The following THADA variants were observed in gnomAD, a reference collection of about 807,000 sequenced individuals.
THADA encodes tRNA (32-2'-O)-methyltransferase regulator THADA.
In THADA, 213 loss-of-function variants were observed where a neutral mutation model predicts 219.8. The observed-to-expected ratio is 0.97, with a 90% CI of 0.87 to 1.09. The LOEUF (loss-of-function observed/expected upper bound fraction) is 1.09. Ranked by LOEUF, THADA falls within the 50% of genes least tolerant of loss-of-function variation. The probability of loss-of-function intolerance (pLI) is 0.00; values close to 1 mark genes in which losing one functional copy is unlikely to be tolerated. For missense variants in THADA, 2,956 were observed against 2,311.3 expected (o/e 1.28, Z -5.72); for synonymous variants, 1,018 against 828.9 (o/e 1.23, Z -3.92).
chr2:43,312,717 GTTTT>G (rs1276809031), intron 31 of THADA, among the ~76,000 whole-genome samples: 1 of 126,354 alleles, frequency 7.9e-6, no homozygotes, highest in African/African-American at 2.8e-5. Context: ...AACAAAGCCT[GTTTT>G]TTTTTTTTTT....
chr2:43,492,250 T>C (rs1437593217), intron 25 of THADA: 1 of 151,374 alleles, frequency 6.6e-6, no homozygotes, highest in Non-Finnish European at 1.5e-5. Flanking sequence ...GAGGTGGAGG[T>C]TGCAGTGAGC....
At chr2:43,458,469 C>A (rs1469497262) in intron 26 of THADA, among the ~76,000 whole-genome samples, 1 of 152,154 alleles carries the variant, frequency 6.6e-6, no homozygotes, top group Non-Finnish European at 1.5e-5. Context: ...CTATACCTAA[C>A]CAAATTAACT....
chr2:43,552,518 T>C (rs1289520755), intron 17 of THADA, among the ~76,000 whole-genome samples, 179 bp from the exon 18 acceptor site: 6 of 152,160 alleles, frequency 3.9e-5, no homozygotes, highest in Admixed American at 3.9e-4. Flanking sequence ...TAGGCAGAAC[T>C]GAGTGTCTTT....
At chr2:43,391,399 C>T (rs1673365971) in intron 29 of THADA, among the ~76,000 whole-genome samples, 1 of 152,118 alleles carries the variant, frequency 6.6e-6, no homozygotes, top group Non-Finnish European at 1.5e-5. Context: ...GCTCCAGAAC[C>T]TGGCAGCTAA....
chr2:43,513,472 G>C (rs1486699828), intron 22 of THADA, among the ~76,000 whole-genome samples: 2 of 152,156 alleles, frequency 1.3e-5, no homozygotes, highest in African/African-American at 4.8e-5. Flanking sequence ...AATTTCAGCA[G>C]CCTCATCTCT....
chr2:43,421,950 G>T (rs1677772418), intron 28 of THADA, among the ~76,000 whole-genome samples: 1 of 152,168 alleles, frequency 6.6e-6, no homozygotes, highest in African/African-American at 2.4e-5. Flanking sequence ...ATTGTCACAG[G>T]ATTAGAGGCA....
intron 20 of THADA, among the ~76,000 whole-genome samples, chr2:43,548,587 C>A (rs527915270): frequency 6.6e-6 from 1 of 152,224 alleles, no homozygotes; most frequent in African/African-American, 2.4e-5. Context: ...CGCCCCTCCC[C>A]CAGCCTCGAT....
At chr2:43,585,387 G>T (rs1442372264) in intron 7 of THADA, among the ~76,000 whole-genome samples, 2 of 151,520 alleles carry the variant, frequency 1.3e-5, no homozygotes, top group Non-Finnish European at 2.9e-5. Context: ...GCATGGTGGC[G>T]GGCACCTGTA....
chr2:43,405,299 G>A (rs1394728677), intron 28 of THADA, among the ~76,000 whole-genome samples: 2 of 152,192 alleles, frequency 1.3e-5, no homozygotes, highest in Non-Finnish European at 2.9e-5. Flanking sequence ...GTGTGGGTAC[G>A]TGTGCATGCA....
At chr2:43,273,886 T>C (rs1672419327) in intron 36 of THADA, among the ~76,000 whole-genome samples, 1 of 152,186 alleles carries the variant, frequency 6.6e-6, no homozygotes, top group Non-Finnish European at 1.5e-5. Context: ...GTGACGATGA[T>C]GCACACATGT....
intron 36 of THADA, among the ~76,000 whole-genome samples, chr2:43,249,850 C>CT (rs1206892196): frequency 2.0e-5 from 3 of 152,240 alleles, no homozygotes; most frequent in African/African-American, 7.2e-5. Flanking sequence ...TGACCATACT[C>CT]TTTTTTCTTC....
At position 43,414,990 on chromosome 2, in the gene THADA, G is replaced by A. The variant is rs1329076327; in HGVS notation, c.4058+13110C>T. Among the ~76,000 whole-genome samples, 8 of 152,324 alleles carry A rather than the reference G, an allele frequency of 5.3e-5. 1 individual carries two copies. The South Asian group carries it at 1.0e-3, about 20-fold the overall frequency. ...CGATGCCATGCTTCACTGAAAACAT[G>A]AGAGCAAATTCTAATGGGAAAGAAA... On this transcript the variant is annotated intron_variant, in intron 28 of 37. Coordinates refer to ENST00000405975, the MANE Select transcript of THADA (RefSeq NM_022065.5).
chr2:43,544,654 A>G (rs1695781525), intron 20 of THADA, among the ~76,000 whole-genome samples: 1 of 150,072 alleles, frequency 6.7e-6, no homozygotes, highest in African/African-American at 2.4e-5. Flanking sequence ...ATGGGAGTTC[A>G]CTCATGATTT....
chr2:43,385,606 CA>C (rs532857816), intron 29 of THADA, among the ~76,000 whole-genome samples: 8,171 of 50,168 alleles, frequency 0.16, 121 homozygotes, highest in African/African-American at 0.28. Flanking sequence ...GACTCCGTCT[CA>C]AAAAAAAAAA....
chr2:43,270,286 C>G lies in THADA; in HGVS notation c.5296+9479G>C, dbSNP rs776663150. Among the ~76,000 whole-genome samples, 3 of 152,242 alleles carry G rather than the reference C, an allele frequency of 2.0e-5. No individual in the cohort carries two copies. The South Asian group carries it at 6.2e-4, about 32-fold the overall frequency. On this transcript the variant is annotated intron_variant, in intron 36 of 37. Transcript: ENST00000405975. ...GTCAGAGGCTCTAAAACCCTCGAGT[C>G]CTGGGATTCCCTCCCTTTAGGAGGG... is the stretch of plus-strand genomic sequence containing the variant.
chr2:43,483,634 T>C (rs1052525037), intron 26 of THADA, among the ~76,000 whole-genome samples: 4 of 152,112 alleles, frequency 2.6e-5, no homozygotes, highest in African/African-American at 9.7e-5. Context: ...GAGGTTTCCA[T>C]CATTGTAACT....
intron 26 of THADA, among the ~76,000 whole-genome samples, chr2:43,476,203 G>GTT (rs1230573555): frequency 6.6e-6 from 1 of 152,028 alleles, no homozygotes; most frequent in Non-Finnish European, 1.5e-5. Context: ...TGTGTAGAGT[G>GTT]TGGAGGTGGG....
chr2:43,385,214 G>A (rs1228236781), intron 29 of THADA, among the ~76,000 whole-genome samples: 8 of 152,080 alleles, frequency 5.3e-5, no homozygotes, highest in African/African-American at 1.9e-4. Context: ...ACAAGTAAAT[G>A]TCTCACATAT....
Position 43,398,101 on chromosome 2 carries a change from GC to G in THADA, c.4096del (p.Ala1366GlnfsTer10). ...HSPVYHSREMAARALVPFVMI... is the reference protein window; with the variant it reads ...HSPVYHSREMXARALVPFVMI... ...AACAAATGGGACCAAGGCACGAGCT[GC>G]CATTTCACGGGAGTGGTAGACAGGT... is the stretch of plus-strand genomic sequence containing the variant. On this transcript the variant is annotated frameshift_variant, in exon 29 of 38. Transcript: ENST00000405975. LOFTEE classifies it high-confidence loss of function. 6.2e-7 allele frequency: 1 copy of G among 1,613,958 alleles called. No individual in the cohort carries two copies. The highest frequency in any genetic ancestry group is 1.6e-4 in the Middle Eastern group (1 of 6,062).
Sources: gnomAD v4.1 joint callset for allele counts (sites outside exome capture counted in the v4.1 genomes callset) on GRCh38, gnomAD v4.1.1 for gene constraint, MANE v1.5 for transcripts, NCBI Gene and HGNC (gene_info 2026-07-23, HGNC 2026-07-21) for gene names.